The following RPP30 variants were observed in gnomAD, a reference collection of about 807,000 sequenced individuals.
The protein encoded by RPP30 is ribonuclease P protein subunit p30.
In RPP30, 36 loss-of-function variants were observed where a neutral mutation model predicts 38.6. The ratio of observed to expected loss-of-function variants is 0.93; its 90% CI spans 0.71 to 1.23. RPP30 has a LOEUF of 1.23. RPP30 is among the 50% of genes most tolerant of loss of function. RPP30 has a pLI of 0.00. For synonymous variants in RPP30, 126 were observed against 112.7 expected (o/e 1.12, Z -0.75); for missense variants, 321 against 321.7 (o/e 1.00, Z 0.02).
At chr10:90,899,522 CAG>C (rs927709563) in intron 10 of RPP30, among the ~76,000 whole-genome samples, 3 of 152,276 alleles carry the variant, frequency 2.0e-5, no homozygotes, top group African/African-American at 7.2e-5. Context: ...TTTCTAAGGA[CAG>C]AGTTTGGGTC....
intron 6 of RPP30, among the ~76,000 whole-genome samples, chr10:90,889,611 G>T (rs11186350): frequency 0.49 from 73,857 of 151,918 alleles, 21,555 homozygotes; most frequent in African/African-American, 0.83. Context: ...TTGTCACGAT[G>T]TGGGCCCTTT....
At chr10:90,907,639 A>G (rs61857745), downstream of RPP30, among the ~76,000 whole-genome samples, 3,282 of 152,248 alleles carry the variant, frequency 0.022, 59 homozygotes, top group Non-Finnish European at 0.032. Context: ...ATGTATTTCC[A>G]CAAGTGCCAA....
chr10:90,873,006 T>C (rs1240878497), intron 1 of RPP30, among the ~76,000 whole-genome samples: 2 of 152,236 alleles, frequency 1.3e-5, no homozygotes, highest in Non-Finnish European at 2.9e-5. Flanking sequence ...TCTTTGATCC[T>C]GTAAAATAAG....
At chr10:90,898,994 T>C (rs77534855) in intron 10 of RPP30, among the ~76,000 whole-genome samples, 1,692 of 152,316 alleles carry the variant, frequency 0.011, 22 homozygotes, top group Non-Finnish European at 0.017. Flanking sequence ...TTAAAGGAAA[T>C]ACTATATGTG....
chr10:90,907,787 A>G (rs1467308332), downstream of RPP30, among the ~76,000 whole-genome samples: 2 of 152,206 alleles, frequency 1.3e-5, no homozygotes, highest in Admixed American at 6.5e-5. Context: ...TAGAAGCCTC[A>G]TCATCTTAGA....
downstream of RPP30, among the ~76,000 whole-genome samples, chr10:90,904,279 A>T (rs1847230802): frequency 1.3e-5 from 2 of 152,234 alleles, no homozygotes; most frequent in South Asian, 4.1e-4. Flanking sequence ...TGATACTGAA[A>T]TAATTGGTTA....
intron 5 of RPP30, among the ~76,000 whole-genome samples, chr10:90,881,955 T>A (rs1846934672): frequency 9.2e-5 from 14 of 152,256 alleles, no homozygotes; most frequent in African/African-American, 3.4e-4. Flanking sequence ...GGACATAATA[T>A]ACCATTATAT....
chr10:90,898,122 GT>G (rs1847164283), intron 10 of RPP30, among the ~76,000 whole-genome samples: 4 of 151,956 alleles, frequency 2.6e-5, no homozygotes, highest in Admixed American at 2.0e-4. Flanking sequence ...TCTACTTTCT[GT>G]CTCCAGGAGT....
intron 10 of RPP30, among the ~76,000 whole-genome samples, chr10:90,900,229 C>T (rs1443597005): frequency 6.6e-6 from 1 of 152,204 alleles, no homozygotes; most frequent in Non-Finnish European, 1.5e-5. Context: ...TGTGTTTGCT[C>T]TCTTGATTTG....
intron 4 of RPP30, among the ~76,000 whole-genome samples, 189 bp from the exon 5 acceptor site, chr10:90,878,874 G>T (rs1022569049): frequency 6.6e-6 from 1 of 152,178 alleles, no homozygotes. Flanking sequence ...AGAATGATTG[G>T]TGAGATGGAT....
In RPP30 at chr10:90,901,162, T is replaced by C. The variant is rs112275271; in HGVS notation, c.*483T>C. On this transcript the variant is annotated 3_prime_UTR_variant, in exon 11 of 11. Transcript: ENST00000371703. ...GCTATTTTTTTTTTTTTTTTTTTTTTCCCTTGTAGAGACATGGTCTCACTA... is the reference window on the plus strand; with the variant it reads ...GCTATTTTTTTTTTTTTTTTTTTTTCCCCTTGTAGAGACATGGTCTCACTA... 299 of 205,176 alleles carry C rather than the reference T, an allele frequency of 1.5e-3. No homozygotes were observed. The highest frequency in any genetic ancestry group is 7.7e-3 in the African/African-American group (260 of 33,978). The allele number at this position is 205,176 out of a possible 1,614,324, so 12.7% of individuals were successfully genotyped here. A position where few individuals can be genotyped will look rare whatever the true frequency, so the allele number is the denominator to read the frequency against.
rs1448026793 is a variant in RPP30, at chr10:90,894,696, G to T, written c.433-79G>T. 3 of 971,140 alleles carry T rather than the reference G, an allele frequency of 3.1e-6. No homozygotes were observed. The African/African-American group carries it at 4.8e-5, about 16-fold the overall frequency. 60.2% of individuals were successfully genotyped at this position (971,140 alleles called of 1,614,324 possible). On this transcript the variant is annotated intron_variant, in intron 6 of 10. Coordinates refer to ENST00000371703, the MANE Select transcript of RPP30 (RefSeq NM_006413.5). ...GGGTCAGTAGTAGGGAGTGAGGAGG[G>T]ATGTGAAGAGAGAATCAGTGAAAAT... is the stretch of plus-strand genomic sequence containing the variant.
In RPP30 at chr10:90,902,073, A is replaced by AG. The variant is rs1847210286; in HGVS notation, c.*1396dup. 4.1e-6 allele frequency: 4 copies of AG among 969,744 alleles called. No homozygotes were observed. Among genetic ancestry groups the AG allele is most frequent in the Non-Finnish European group, 3.7e-6 (3 of 813,938 alleles). 60.1% of individuals were successfully genotyped at this position (969,744 alleles called of 1,614,324 possible). A position where few individuals can be genotyped will look rare whatever the true frequency, so the allele number is the denominator to read the frequency against. On this transcript the variant is annotated 3_prime_UTR_variant, in exon 11 of 11. Coordinates refer to ENST00000371703, the MANE Select transcript of RPP30 (RefSeq NM_006413.5). ...CGGCCTCCCAAAGTGCTGGGATTAC[A>AG]GGCGTTAGCCACTGCGCCCGGCCCG...
rs532229697 is a variant in RPP30 at position 90,873,965 on chromosome 10, G to A, written c.83-904G>A. 7.9e-5 allele frequency among the ~76,000 whole-genome samples: 12 copies of A among 152,166 alleles called. No individual in the cohort carries two copies. The East Asian group carries it at 1.2e-3, about 15-fold the overall frequency. On this transcript the variant is annotated intron_variant, in intron 1 of 10. Coordinates refer to ENST00000371703, the MANE Select transcript of RPP30 (RefSeq NM_006413.5). Reference sequence around the variant, plus strand: ...TTGCTTAATTGCCTTATTTGCCTTCGTTCTCCAACAGACTAGGCTGTAAAT... The same window carrying A: ...TTGCTTAATTGCCTTATTTGCCTTCATTCTCCAACAGACTAGGCTGTAAAT...
chr10:90,902,727 G>T (rs1208178569), downstream of RPP30, among the ~76,000 whole-genome samples: 1 of 152,156 alleles, frequency 6.6e-6, no homozygotes, highest in East Asian at 1.9e-4. Context: ...ATATGTGTCT[G>T]TTTTTTGTGT....
At chr10:90,872,102 C>CA in intron 1 of RPP30, 34 bp downstream of exon 1, 1 of 1,561,052 alleles carries the variant, frequency 6.4e-7, no homozygotes, top group Non-Finnish European at 8.8e-7. Context: ...TGGCCAACCT[C>CA]ATGCCACCCA....
Position 90,901,621 on chromosome 10 carries a change from G to A in RPP30, c.*942G>A, listed in dbSNP as rs1443039761. On this transcript the variant is annotated 3_prime_UTR_variant, in exon 11 of 11. Coordinates refer to ENST00000371703, the MANE Select transcript of RPP30 (RefSeq NM_006413.5). ...GCTGTATTAAAAATAGCAAAGCATCGGACTGAACCAACTTTGGAAATAATT... is the reference window on the plus strand; with the variant it reads ...GCTGTATTAAAAATAGCAAAGCATCAGACTGAACCAACTTTGGAAATAATT... 9.1e-6 allele frequency: 9 copies of A among 984,926 alleles called. No individual in the cohort carries two copies. Among genetic ancestry groups the A allele is most frequent in the African/African-American group, 3.5e-5 (2 of 57,262 alleles). The allele number at this position is 984,926 out of a possible 1,614,324, so 61.0% of individuals were successfully genotyped here. A position where few individuals can be genotyped will look rare whatever the true frequency, so the allele number is the denominator to read the frequency against.
At chr10:90,885,575 C>A (rs1846989022) in intron 5 of RPP30, among the ~76,000 whole-genome samples, 1 of 152,202 alleles carries the variant, frequency 6.6e-6, no homozygotes, top group Non-Finnish European at 1.5e-5. Context: ...CAGGCCCTAT[C>A]TTTTGAGAAA....
intron 8 of RPP30, 185 bp downstream of exon 8, chr10:90,895,668 T>A: frequency 6.1e-6 from 3 of 491,238 alleles, no homozygotes; most frequent in Non-Finnish European, 6.8e-6. Flanking sequence ...AACTTTTGTT[T>A]ATATAATCAG....
Sources: allele counts gnomAD v4.1 joint callset (sites outside exome capture counted in the v4.1 genomes callset), GRCh38; gene constraint gnomAD v4.1.1; transcripts MANE v1.5; gene names NCBI Gene and HGNC (gene_info 2026-07-23, HGNC 2026-07-21).